RTN1: variants seen among roughly 807,000 people sequenced by gnomAD.
RTN1 encodes the protein reticulon 1.
Under a neutral mutation model 65.5 loss-of-function variants are expected in RTN1, and 25 were observed. The observed-to-expected ratio is 0.38, with a 90% CI of 0.28 to 0.53. The LOEUF is 0.53. RTN1 is among the 20% of genes least tolerant of loss of function. The pLI, the probability that RTN1 is intolerant of heterozygous loss-of-function variation, is 0.79. For missense variants in RTN1, 983 were observed against 1,025.4 expected (o/e 0.96, Z 0.57); for synonymous variants, 471 against 447.6 (o/e 1.05, Z -0.66).
At chr14:59,603,347 T>A in intron 6 of RTN1, 89 bp from the exon 7 acceptor site, 1 of 987,578 alleles carries the variant, frequency 1.0e-6, no homozygotes, top group Non-Finnish European at 1.5e-6. Flanking sequence ...TATATGATAT[T>A]ATAGCATTAT....
At chr14:59,635,130 G>A (rs1180946299) in intron 3 of RTN1, among the ~76,000 whole-genome samples, 3 of 152,136 alleles carry the variant, frequency 2.0e-5, no homozygotes, top group African/African-American at 7.2e-5. Flanking sequence ...AACATGTAAG[G>A]CATCGCAGAC....
intron 3 of RTN1, among the ~76,000 whole-genome samples, chr14:59,635,210 C>A (rs140102295): frequency 6.6e-6 from 1 of 152,280 alleles, no homozygotes; most frequent in African/African-American, 2.4e-5. Context: ...AGACCAACAG[C>A]AGTCTTTAAT....
intron 3 of RTN1, among the ~76,000 whole-genome samples, chr14:59,613,158 G>C (rs1045574320): frequency 1.3e-5 from 2 of 152,082 alleles, no homozygotes; most frequent in Admixed American, 1.3e-4. Context: ...GGTTACCTTT[G>C]GTAAAGTTCA....
chr14:59,862,914 T>C (rs952980721), intron 1 of RTN1, among the ~76,000 whole-genome samples: 14 of 152,190 alleles, frequency 9.2e-5, no homozygotes, highest in African/African-American at 3.1e-4. Context: ...CCCTGCTTCC[T>C]ATTTCATTGA....
intron 3 of RTN1, among the ~76,000 whole-genome samples, chr14:59,707,235 G>C (rs1042863059): frequency 6.6e-6 from 1 of 152,112 alleles, no homozygotes; most frequent in Non-Finnish European, 1.5e-5. Flanking sequence ...TAATGACAAG[G>C]GTCTATCTTT....
intron 1 of RTN1, among the ~76,000 whole-genome samples, chr14:59,813,196 A>G (rs1886760653): frequency 6.6e-6 from 1 of 152,204 alleles, no homozygotes; most frequent in Admixed American, 6.5e-5. Context: ...GTTGGAAATG[A>G]TTTCATTATT....
rs557851129 is a variant in RTN1, at chr14:59,625,736, G to A, written c.1766-18244C>T. On this transcript the variant is annotated intron_variant, in intron 3 of 8. Transcript: ENST00000267484. ...TTGTACAAATGAAAATGTTCATAAT[G>A]TGCCTTCCTCATTTTTAGAAAAAAA... 2.5e-3 allele frequency among the ~76,000 whole-genome samples: 381 copies of A among 152,040 alleles called. 1 individual carries two copies. Among genetic ancestry groups the A allele is most frequent in the African/African-American group, 8.5e-3 (354 of 41,476 alleles).
intron 1 of RTN1, among the ~76,000 whole-genome samples, chr14:59,817,360 A>T (rs1279196511): frequency 6.6e-6 from 1 of 152,244 alleles, no homozygotes; most frequent in Non-Finnish European, 1.5e-5. Flanking sequence ...TTTTTAAAAA[A>T]GACACTAAAC....
At chr14:59,717,805 CTTGGAAAAAGTT>C (rs1466365669) in intron 3 of RTN1, among the ~76,000 whole-genome samples, 4 of 152,154 alleles carry the variant, frequency 2.6e-5, no homozygotes, top group African/African-American at 9.7e-5. Flanking sequence ...TCCAACTGGC[CTTGGAAAAAGTT>C]GGGTTACTGG....
chr14:59,702,909 G>A (rs1474331635), intron 3 of RTN1, among the ~76,000 whole-genome samples: 1 of 152,154 alleles, frequency 6.6e-6, no homozygotes, highest in Non-Finnish European at 1.5e-5. Flanking sequence ...CAGCCACCCT[G>A]GCTTCCTTGC....
intron 1 of RTN1, among the ~76,000 whole-genome samples, chr14:59,772,537 TAA>T (rs368848951): frequency 7.1e-6 from 1 of 140,802 alleles, no homozygotes. Flanking sequence ...TCCCCAATAT[TAA>T]AAAAAAAAAA....
At chr14:59,749,889 A>G (rs1885402839) in intron 1 of RTN1, among the ~76,000 whole-genome samples, 1 of 113,028 alleles carries the variant, frequency 8.8e-6, no homozygotes, top group African/African-American at 3.4e-5. Context: ...ATATATACAC[A>G]TATATATATT....
At chr14:59,622,071 C>G (rs148866460) in intron 3 of RTN1, among the ~76,000 whole-genome samples, 2,107 of 152,304 alleles carry the variant, frequency 0.014, 19 homozygotes, top group African/African-American at 0.019. Flanking sequence ...CCCAGTGGCT[C>G]ACACCTGTAA....
At chr14:59,744,203 C>T (rs1415162283) in intron 2 of RTN1, among the ~76,000 whole-genome samples, 1 of 152,208 alleles carries the variant, frequency 6.6e-6, no homozygotes, top group Non-Finnish European at 1.5e-5. Flanking sequence ...TCCTCCTCTA[C>T]AGGCTTTGCT....
At chr14:59,616,279 CTG>C (rs1330462921) in intron 3 of RTN1, among the ~76,000 whole-genome samples, 4 of 152,156 alleles carry the variant, frequency 2.6e-5, no homozygotes, top group Non-Finnish European at 4.4e-5. Context: ...TGTTAACAGA[CTG>C]TGTGCCACAG....
intron 3 of RTN1, among the ~76,000 whole-genome samples, chr14:59,675,550 T>C (rs1014298606): frequency 5.6e-5 from 4 of 70,936 alleles, no homozygotes; most frequent in Non-Finnish European, 1.3e-4. Flanking sequence ...ATTGTAAAAA[T>C]AAATAATTTA....
At chr14:59,796,352 C>A (rs61987487) in intron 1 of RTN1, among the ~76,000 whole-genome samples, 1 of 151,966 alleles carries the variant, frequency 6.6e-6, no homozygotes, top group South Asian at 2.1e-4. Flanking sequence ...AATCTCAGAA[C>A]GTAGCCCCGT....
intron 3 of RTN1, among the ~76,000 whole-genome samples, chr14:59,612,158 G>A (rs555178235): frequency 1.1e-4 from 16 of 152,308 alleles, no homozygotes; most frequent in African/African-American, 3.4e-4. Flanking sequence ...ATTTTGCTGG[G>A]ATGGAAAATG....
chr14:59,843,727 AAC>A (rs1175186581), intron 1 of RTN1, among the ~76,000 whole-genome samples: 3 of 152,206 alleles, frequency 2.0e-5, no homozygotes, highest in African/African-American at 7.2e-5. Context: ...CACTGGAAGA[AAC>A]ACAAAACTCA....
Sources: gnomAD v4.1 joint callset for allele counts (sites outside exome capture counted in the v4.1 genomes callset) on GRCh38, gnomAD v4.1.1 for gene constraint, MANE v1.5 for transcripts, NCBI Gene and HGNC (gene_info 2026-07-23, HGNC 2026-07-21) for gene names.